The following FASN variants were observed in gnomAD, a reference collection of about 807,000 sequenced individuals.
The protein encoded by FASN is 3-hydroxyacyl-[acyl-carrier-protein] dehydratase.
Under a neutral mutation model 250.0 loss-of-function variants are expected in FASN, and 50 were observed. That is an observed-to-expected ratio of 0.20 (90% CI 0.16 to 0.25). The LOEUF is 0.25. FASN is among the 10% of genes least tolerant of loss of function. FASN has a pLI of 1.00. For missense variants in FASN, 3,031 were observed against 3,498.5 expected (o/e 0.87, Z 3.37); for synonymous variants, 1,909 against 1,584.0 (o/e 1.21, Z -4.87).
chr17:82,087,465 C>G lies in FASN; in HGVS notation c.3083G>C (p.Ser1028Thr). 1 of 1,612,696 alleles carries G rather than the reference C, an allele frequency of 6.2e-7. No individual in the cohort carries two copies. Among genetic ancestry groups the G allele is most frequent in the Non-Finnish European group, 8.5e-7 (1 of 1,180,012 alleles). The change falls in exon 20 of 43, where the codon AGC (serine) becomes ACC (threonine). Residue 1028 changes from serine to threonine, a missense_variant. By Grantham distance (58) the Ser-to-Thr change is moderately conservative (BLOSUM62 1). Coordinates refer to ENST00000306749, the MANE Select transcript of FASN (RefSeq NM_004104.5). Reference sequence around the variant, plus strand: ...CATCTGCAGCATGGTGTCCATGAAGCTCACCCAGTTATCCTTCCACAGCAG... The same window carrying G: ...CATCTGCAGCATGGTGTCCATGAAGGTCACCCAGTTATCCTTCCACAGCAG... ...GRLLWKDNWV[S>T]FMDTMLQMSI...
At chr17:82,089,965 T>A (rs1226800577) in intron 11 of FASN, among the ~76,000 whole-genome samples, 2 of 152,196 alleles carry the variant, frequency 1.3e-5, no homozygotes, top group Non-Finnish European at 2.9e-5. Context: ...GGTGGCCCCC[T>A]CAGTCCTCTG....
chr17:82,092,351 C>T, intron 8 of FASN, 104 bp downstream of exon 8: 1 of 1,265,168 alleles, frequency 7.9e-7, no homozygotes, highest in Non-Finnish European at 1.1e-6. Flanking sequence ...GTGGGGAAGC[C>T]CCCGCCTCCA....
Position 82,084,388 on chromosome 17 carries a change from G to T in FASN, c.4769-4C>A. 1 of 1,604,464 alleles carries T rather than the reference G, an allele frequency of 6.2e-7. No individual in the cohort carries two copies. Among genetic ancestry groups the T allele is most frequent in the Non-Finnish European group, 8.5e-7 (1 of 1,176,346 alleles). On this transcript the variant is annotated splice_polypyrimidine_tract_variant and splice_region_variant and intron_variant, in intron 27 of 42. Transcript: ENST00000306749. ...CTGTCCTGGGAGGTCCACTTCCCTG[G>T]GGGAGACGGCACTGAGCCCCTCACC...
Position 82,083,350 on chromosome 17 carries a change from T to C in FASN, c.5417A>G (p.Asp1806Gly), listed in dbSNP as rs547341148. ...LDAFFNESSA[D>G]WREVWALVQA... ...CACAAGCGCCCACACCTCCCGCCAG[T>C]CAGCACTGCTCTCGTTGAAGAACGC... The change falls in exon 32 of 43, where the codon GAC becomes GGC. Residue 1806 changes from aspartate to glycine, a missense_variant. Physicochemically the swap from Asp to Gly is moderately conservative, Grantham distance 94 (BLOSUM62 -1). Transcript: ENST00000306749. 97 of 1,612,814 alleles carry C rather than the reference T, an allele frequency of 6.0e-5. No individual in the cohort carries two copies. The highest frequency in any genetic ancestry group is 5.0e-4 in the Admixed American group (30 of 60,020).
Position 82,083,217 on chromosome 17 carries a change from G to A in FASN, c.5550C>T (p.Gly1850=). 6.2e-7 allele frequency: 1 copy of A among 1,612,672 alleles called. No homozygotes were observed. The highest frequency in any genetic ancestry group is 8.5e-7 in the Non-Finnish European group (1 of 1,179,984). The stretch of plus-strand genomic sequence containing the variant: ...CTCCCCTCACCTGCACGACGACTTT[G>A]CCAATGTGCTTCCCTTGGGCCATGT... ...FRYMAQGKHI[G]KVVVQVLAEE... The change falls in exon 32 of 43, where the codon GGC becomes GGT. Residue 1850 remains glycine, a synonymous_variant. Coordinates refer to ENST00000306749, the MANE Select transcript of FASN (RefSeq NM_004104.5).
At chr17:82,096,982 AG>A in intron 1 of FASN, 1 of 237,728 alleles carries the variant, frequency 4.2e-6, no homozygotes, top group East Asian at 1.1e-4. Context: ...GGAGCCCTAG[AG>A]GGGGGTACTC....
chr17:82,090,364 G>A lies in FASN; in HGVS notation c.1870+11C>T, dbSNP rs1177789354. On this transcript the variant is annotated intron_variant, in intron 11 of 42. Coordinates refer to ENST00000306749, the MANE Select transcript of FASN (RefSeq NM_004104.5). ...TCTTGGAGGTGCTGGGGGCCCCTCC[G>A]GGAGACCTACCCACGGCTGCCATGG... The A allele has an allele frequency of 9.5e-6, 15 of 1,574,114 alleles. No homozygotes were observed. The highest frequency in any genetic ancestry group is 1.9e-4 in the Middle Eastern group (1 of 5,166).
intron 3 of FASN, 22 bp downstream of exon 3, chr17:82,095,298 C>A (rs759639912): frequency 2.5e-6 from 4 of 1,611,972 alleles, no homozygotes; most frequent in Non-Finnish European, 3.4e-6. Flanking sequence ...CTCGGCGCAG[C>A]AGTCGCGAAT....
At position 82,081,372 on chromosome 17, in the gene FASN, T is replaced by G. The variant is rs1598573025; in HGVS notation, c.6407-20A>C. On this transcript the variant is annotated intron_variant, in intron 37 of 42. Coordinates refer to ENST00000306749, the MANE Select transcript of FASN (RefSeq NM_004104.5). ...GGATGCCTGGAAGGGATGCGCCGGG[T>G]CGGCAACTCCAGAGGGGGCATGGGG... is the stretch of plus-strand genomic sequence containing the variant. 1 of 1,558,548 alleles carries G rather than the reference T, an allele frequency of 6.4e-7. No individual in the cohort carries two copies. The highest frequency in any genetic ancestry group is 8.7e-7 in the Non-Finnish European group (1 of 1,153,462).
chr17:82,093,521 C>G lies in FASN; in HGVS notation c.454+77G>C, dbSNP rs889127779. ...TGGACACACACTGCACGGAGTGAGC[C>G]CACGCCACGTGGTTTCTGCTCAGCA... On this transcript the variant is annotated intron_variant, in intron 4 of 42. Coordinates refer to ENST00000306749, the MANE Select transcript of FASN (RefSeq NM_004104.5). 6.9e-6 allele frequency: 11 copies of G among 1,602,558 alleles called. No homozygotes were observed. The African/African-American group carries it at 1.5e-4, about 21-fold the overall frequency.
intron 37 of FASN, 35 bp from the exon 38 acceptor site, chr17:82,081,387 G>C: frequency 2.6e-6 from 4 of 1,560,050 alleles, no homozygotes; most frequent in Non-Finnish European, 3.5e-6. Context: ...AACTCCAGAG[G>C]GGGCATGGGG....
chr17:82,097,050 G>A (rs72634334), intron 1 of FASN, among the ~76,000 whole-genome samples: 27,000 of 152,290 alleles, frequency 0.18, 3,250 homozygotes, highest in East Asian at 0.46. Context: ...CAGCCCAAGA[G>A]CCACCAGGGC....
In FASN at chr17:82,084,971, G is replaced by GA; in HGVS notation, c.4410-19dup. On this transcript the variant is annotated intron_variant, in intron 25 of 42. Transcript: ENST00000306749. ...GCACACACCTGGGGGCAGAGGCGGG[G>GA]AGCTCAGGCTGGGGATGGGGAGGCT... is the stretch of plus-strand genomic sequence containing the variant. The GA allele has an allele frequency of 6.4e-7, 1 of 1,567,210 alleles. No homozygotes were observed. The highest frequency in any genetic ancestry group is 8.7e-7 in the Non-Finnish European group (1 of 1,155,930).
Position 82,085,550 on chromosome 17 carries a change from G to A in FASN, c.4054C>T (p.Pro1352Ser), listed in dbSNP as rs1215065702. Residue 1352 changes from proline (P) to serine (S), a missense_variant, in exon 23 of 43, where the codon CCC becomes TCC. Pro to Ser is a moderately conservative substitution (Grantham distance 74, BLOSUM62 -1). Coordinates refer to ENST00000306749, the MANE Select transcript of FASN (RefSeq NM_004104.5). ...LLLHTLLRGHPLGDIVAFLTS... is the reference protein window; with the variant it reads ...LLLHTLLRGHSLGDIVAFLTS... ...AGGAAGGCCACGATGTCCCCGAGGGGGTGCCCCCGGAGCAGTGTGTGCAGG... is the reference window on the plus strand; with the variant it reads ...AGGAAGGCCACGATGTCCCCGAGGGAGTGCCCCCGGAGCAGTGTGTGCAGG... 6 of 1,595,082 alleles carry A rather than the reference G, an allele frequency of 3.8e-6. No homozygotes were observed. In the African/African-American group the frequency reaches 8.0e-5, roughly 21 times the overall value.
rs200637016 is a variant in FASN, at chr17:82,092,727, T to C, written c.864A>G (p.Glu288=). 9 of 1,602,368 alleles carry C rather than the reference T, an allele frequency of 5.6e-6. No individual in the cohort carries two copies. The African/African-American group carries it at 1.2e-4, about 21-fold the overall frequency. The change falls in exon 7 of 43, where the codon GAA becomes GAG. Residue 288 remains glutamate (E), a synonymous_variant. Coordinates refer to ENST00000306749, the MANE Select transcript of FASN (RefSeq NM_004104.5). ...TGCCTGTGCCGTGGGCTTCGATGTATTCAAATGACTCAGGGGCCACTCCGG... is the reference window on the plus strand; with the variant it reads ...TGCCTGTGCCGTGGGCTTCGATGTACTCAAATGACTCAGGGGCCACTCCGG... The part of the protein sequence containing the change: ...QSAGVAPESF[E]YIEAHGTGTK...
At position 82,087,476 on chromosome 17, in the gene FASN, A is replaced by G. The variant is rs1390732508; in HGVS notation, c.3072T>C (p.Asp1024=). ...TGGTGTCCATGAAGCTCACCCAGTT[A>G]TCCTTCCACAGCAGCCTCCCCGAGT... The part of the protein sequence containing the change: ...EGDSGRLLWK[D]NWVSFMDTML... Residue 1024 remains aspartate (D), a synonymous_variant, in exon 20 of 43, where the codon GAT becomes GAC. Coordinates refer to ENST00000306749, the MANE Select transcript of FASN (RefSeq NM_004104.5). 1 of 1,612,530 alleles carries G rather than the reference A, an allele frequency of 6.2e-7. No individual in the cohort carries two copies. The highest frequency in any genetic ancestry group is 8.5e-7 in the Non-Finnish European group (1 of 1,179,990).
At chr17:82,090,734 C>G in intron 10 of FASN, 148 bp downstream of exon 10, 1 of 1,098,464 alleles carries the variant, frequency 9.1e-7, no homozygotes, top group Non-Finnish European at 1.3e-6. Context: ...GAGACCCCTC[C>G]TCCCCTCCCG....
Position 82,088,243 on chromosome 17 carries a change from G to A in FASN, c.2658C>T (p.Phe886=), listed in dbSNP as rs751139540. The change falls in exon 17 of 43, where the codon TTC becomes TTT. Residue 886 remains phenylalanine, a synonymous_variant. Transcript: ENST00000306749. ...CTATGCTCAGGTAGCCAGTGGCGGG[G>A]AAGAGGACGCGACCGTCGAGGGTGT... ...VDHTLDGRVL[F]PATGYLSIVW... 1.2e-6 allele frequency: 2 copies of A among 1,609,008 alleles called. No homozygotes were observed.
chr17:82,088,503 G>T lies in FASN; in HGVS notation c.2480C>A (p.Thr827Asn), dbSNP rs1318103917. 6.2e-7 allele frequency: 1 copy of T among 1,608,836 alleles called. No individual in the cohort carries two copies. The change falls in exon 16 of 43, where the codon ACT becomes AAT. Residue 827 changes from threonine (T) to asparagine (N), a missense_variant. By Grantham distance (65) the Thr-to-Asn change is moderately conservative. Transcript: ENST00000306749. ...PPVEFPAPRG[T>N]PLISPLIKWD... ...CTTGATGAGTGGGGAGATGAGGGGA[G>T]TTCCTCGGGGAGCTGGGAACTCCAC... is the stretch of plus-strand genomic sequence containing the variant.
Sources: allele counts gnomAD v4.1 joint callset (sites outside exome capture counted in the v4.1 genomes callset), GRCh38; gene constraint gnomAD v4.1.1; transcripts MANE v1.5; gene names NCBI Gene and HGNC (gene_info 2026-07-23, HGNC 2026-07-21).